TNN: variants seen among roughly 807,000 people sequenced by gnomAD.
The protein encoded by TNN is tenascin N.
In TNN, 122 loss-of-function variants were observed where a neutral mutation model predicts 134.4. That is an observed-to-expected ratio of 0.91 (90% CI 0.78 to 1.06). The LOEUF (loss-of-function observed/expected upper bound fraction) is 1.06. Ranked by LOEUF, TNN falls within the 50% of genes least tolerant of loss-of-function variation. The probability of loss-of-function intolerance (pLI) is 0.00; values close to 1 mark genes in which losing one functional copy is unlikely to be tolerated. For synonymous variants in TNN, 710 were observed against 670.3 expected, an observed-to-expected ratio of 1.06 and a Z score of -0.91; for missense variants, 1,739 against 1,699.4, an observed-to-expected ratio of 1.02 and a Z score of -0.41.
At chr1:175,134,126 A>C (rs1455022033) in intron 15 of TNN, among the ~76,000 whole-genome samples, 1 of 152,178 alleles carries the variant, frequency 6.6e-6, no homozygotes, top group African/African-American at 2.4e-5. Context: ...CTCTACCTTA[A>C]TAAGTCTAGC....
chr1:175,092,759 T>C (rs1339588021), intron 6 of TNN, among the ~76,000 whole-genome samples: 1 of 152,224 alleles, frequency 6.6e-6, no homozygotes, highest in Admixed American at 6.5e-5. Flanking sequence ...CAGATATCCC[T>C]GTCTCTATAA....
intron 11 of TNN, among the ~76,000 whole-genome samples, chr1:175,119,759 C>T (rs1675299998): frequency 6.6e-6 from 1 of 151,808 alleles, no homozygotes; most frequent in Admixed American, 6.6e-5. Flanking sequence ...CTCAGCCTCC[C>T]AAGTAGCTGG....
chr1:175,107,868 C>T (rs960726868), intron 9 of TNN, among the ~76,000 whole-genome samples: 2 of 140,016 alleles, frequency 1.4e-5, no homozygotes, highest in Admixed American at 1.4e-4. Context: ...CAGCTAGATA[C>T]AGAGTGTCGA....
intron 9 of TNN, among the ~76,000 whole-genome samples, chr1:175,100,004 G>A (rs536389797): frequency 1.1e-4 from 16 of 152,234 alleles, no homozygotes; most frequent in Admixed American, 2.0e-4. Flanking sequence ...CCCAAGTCTG[G>A]TCCATGGAGA....
Position 175,083,785 on chromosome 1 carries a change from G to T in TNN, c.1084G>T (p.Glu362Ter). ...AVLGTAWVTD[E>*]TENSLDVEWE... ...GCTTGGCACTGCCTGGGTGACAGAT[G>T]AGACTGAGAACTCCCTTGACGTGGA... The change falls in exon 5 of 19, where the codon GAG becomes TAG. Residue 362 changes from glutamate to a stop codon, truncating the protein, a stop_gained. Coordinates refer to ENST00000239462, the MANE Select transcript of TNN (RefSeq NM_022093.2). LOFTEE classifies it high-confidence loss of function. 6.2e-7 allele frequency: 1 copy of T among 1,614,210 alleles called. No individual in the cohort carries two copies. Among genetic ancestry groups the T allele is most frequent in the South Asian group, 1.1e-5 (1 of 91,082 alleles).
chr1:175,117,114 G>GGGACACACC lies in TNN; in HGVS notation c.2297_2298insACACACCGG (p.Gly766_Leu767insHisThrGly), dbSNP rs1558365144. On this transcript the variant is annotated inframe_insertion, in exon 10 of 19. Coordinates refer to ENST00000239462, the MANE Select transcript of TNN (RefSeq NM_022093.2). ...AGGAGCAGAGTAGCACTGTCCTGAC[G>GGGACACACC]GGCCTGAGGCCGGGTGTGGAGTACA... 6.2e-7 allele frequency: 1 copy of GGGACACACC among 1,614,192 alleles called. No individual in the cohort carries two copies. The highest frequency in any genetic ancestry group is 1.1e-5 in the South Asian group (1 of 91,090).
At chr1:175,074,466 C>G (rs1283237869) in intron 1 of TNN, among the ~76,000 whole-genome samples, 1 of 132,152 alleles carries the variant, frequency 7.6e-6, no homozygotes, top group Non-Finnish European at 1.6e-5. Flanking sequence ...GCCTGGGCGA[C>G]AGAATGGGAT....
At chr1:175,094,284 T>C (rs1444091289) in intron 7 of TNN, 31 bp downstream of exon 7, 2 of 1,507,356 alleles carry the variant, frequency 1.3e-6, no homozygotes, top group African/African-American at 2.8e-5. Context: ...TAAATAGGTT[T>C]CCTCATGGCA....
intron 9 of TNN, among the ~76,000 whole-genome samples, chr1:175,107,391 G>GTGGTCTC (rs1252114659): frequency 4.2e-5 from 6 of 143,696 alleles, no homozygotes; most frequent in Non-Finnish European, 6.2e-5. Flanking sequence ...TGGTGGGTTC[G>GTGGTCTC]TGGTCTCGCT....
chr1:175,122,022 G>A (rs951844609), intron 11 of TNN, among the ~76,000 whole-genome samples: 3 of 152,140 alleles, frequency 2.0e-5, no homozygotes, highest in Non-Finnish European at 1.5e-5. Context: ...ATTGTGGAGC[G>A]ATTAGCATCC....
At chr1:175,118,936 G>C in intron 11 of TNN, 112 bp downstream of exon 11, 1 of 1,371,092 alleles carries the variant, frequency 7.3e-7, no homozygotes. Flanking sequence ...GCTGCAGACT[G>C]TTTTAGGAGA....
At chr1:175,099,338 C>T (rs113766955) in intron 9 of TNN, among the ~76,000 whole-genome samples, 21 of 149,252 alleles carry the variant, frequency 1.4e-4, no homozygotes, top group African/African-American at 3.2e-4. Context: ...GGGGTGAGGA[C>T]GGGCAGAAGT....
chr1:175,074,596 G>A (rs1673995989), intron 1 of TNN, among the ~76,000 whole-genome samples: 1 of 152,004 alleles, frequency 6.6e-6, no homozygotes, highest in Non-Finnish European at 1.5e-5. Flanking sequence ...TCTGCCGGGT[G>A]TTGAGTCCAG....
At chr1:175,091,419 GT>G (rs1257150283) in intron 6 of TNN, among the ~76,000 whole-genome samples, 1 of 152,184 alleles carries the variant, frequency 6.6e-6, no homozygotes. Flanking sequence ...CCAAGATGCT[GT>G]TTCCTGGCTC....
chr1:175,075,591 C>G (rs537911256), intron 1 of TNN, among the ~76,000 whole-genome samples: 1 of 152,250 alleles, frequency 6.6e-6, no homozygotes, highest in East Asian at 1.9e-4. Context: ...CCACCGTGCC[C>G]GGCCAGCATT....
intron 4 of TNN, among the ~76,000 whole-genome samples, chr1:175,081,686 G>A (rs1038781378): frequency 6.6e-6 from 1 of 152,218 alleles, no homozygotes; most frequent in Non-Finnish European, 1.5e-5. Flanking sequence ...CACCCCTGTA[G>A]TTGAACAACT....
chr1:175,093,534 T>C (rs1198030035), intron 6 of TNN, among the ~76,000 whole-genome samples: 2 of 151,902 alleles, frequency 1.3e-5, no homozygotes, highest in Non-Finnish European at 2.9e-5. Flanking sequence ...GAGAAGAGCA[T>C]GTGTAGATAA....
chr1:175,108,648 G>C (rs1031297311), intron 9 of TNN, among the ~76,000 whole-genome samples: 3 of 152,244 alleles, frequency 2.0e-5, no homozygotes, highest in Non-Finnish European at 4.4e-5. Flanking sequence ...CGTAGCGCCG[G>C]TGGGCTGGCA....
intron 1 of TNN, among the ~76,000 whole-genome samples, chr1:175,071,771 T>C (rs1027414340): frequency 3.9e-5 from 6 of 152,332 alleles, no homozygotes; most frequent in Middle Eastern, 3.4e-3. Context: ...CAAAGAATGA[T>C]ATCAACTGAC....
Sources: allele counts gnomAD v4.1 joint callset (sites outside exome capture counted in the v4.1 genomes callset), GRCh38; gene constraint gnomAD v4.1.1; transcripts MANE v1.5; gene names NCBI Gene and HGNC (gene_info 2026-07-23, HGNC 2026-07-21).